Variants in LEKR1 observed in about 807,000 individuals in gnomAD.
LEKR1 encodes leucine, glutamate and lysine rich 1, also known as protein LEKR1.
A neutral mutation model predicts 72.4 loss-of-function variants in LEKR1; 59 were observed. That is an observed-to-expected ratio of 0.82 (90% CI 0.66 to 1.01). The LOEUF is 1.01. LEKR1 is among the 50% of genes least tolerant of loss of function. The pLI is 0.00. For synonymous variants in LEKR1, 257 were observed against 263.2 expected (o/e 0.98, Z 0.23); for missense variants, 728 against 759.2 (o/e 0.96, Z 0.48).
At chr3:157,031,044 C>T (rs550271802) in intron 12 of LEKR1, among the ~76,000 whole-genome samples, 10 of 152,064 alleles carry the variant, frequency 6.6e-5, no homozygotes, top group Non-Finnish European at 1.2e-4. Flanking sequence ...AACCCACACT[C>T]GAGGTGAAAT....
rs1336588431 is a variant in LEKR1 at position 156,944,697 on chromosome 3, A to C, written c.745+1983A>C. Among the ~76,000 whole-genome samples the C allele has an allele frequency of 2.0e-5, 3 of 151,724 alleles. No individual in the cohort carries two copies. In the East Asian group the frequency reaches 5.8e-4, roughly 29 times the overall value. On this transcript the variant is annotated intron_variant, in intron 6 of 12. Transcript: ENST00000356539. ...TGTCTTTCTCTGGCTGGCTTATTTC[A>C]TTTAACATAATGACCCCCAGTTTCA...
Position 157,011,395 on chromosome 3 carries a change from C to A in LEKR1, c.1110-18C>A. 2 of 1,575,598 alleles carry A rather than the reference C, an allele frequency of 1.3e-6. No individual in the cohort carries two copies. Among genetic ancestry groups the A allele is most frequent in the Non-Finnish European group, 1.7e-6 (2 of 1,145,438 alleles). ...TAGGGGTAAGTATTGACTCATTTGTCGGGTTTGTGATTTTCAGGGAATTGA... is the reference window on the plus strand; with the variant it reads ...TAGGGGTAAGTATTGACTCATTTGTAGGGTTTGTGATTTTCAGGGAATTGA... On this transcript the variant is annotated intron_variant, in intron 9 of 12. Coordinates refer to ENST00000356539, the MANE Select transcript of LEKR1 (RefSeq NM_001004316.3).
At chr3:156,883,679 C>G (rs1241661463) in intron 3 of LEKR1, among the ~76,000 whole-genome samples, 4 of 152,178 alleles carry the variant, frequency 2.6e-5, no homozygotes, top group Non-Finnish European at 5.9e-5. Context: ...ACCGATTTTG[C>G]TTGGCTCTCA....
At chr3:156,887,073 G>A (rs1720179239) in intron 3 of LEKR1, among the ~76,000 whole-genome samples, 1 of 152,098 alleles carries the variant, frequency 6.6e-6, no homozygotes, top group Non-Finnish European at 1.5e-5. Context: ...AGTACATGGA[G>A]CTTCCTTAAT....
chr3:156,947,726 A>G (rs1205298667), intron 6 of LEKR1, among the ~76,000 whole-genome samples: 1 of 151,134 alleles, frequency 6.6e-6, no homozygotes, highest in Non-Finnish European at 1.5e-5. Context: ...AGCAACTATT[A>G]CTATATTCTG....
intron 3 of LEKR1, among the ~76,000 whole-genome samples, chr3:156,855,960 AC>A (rs1455620315): frequency 6.6e-6 from 1 of 151,852 alleles, no homozygotes; most frequent in Non-Finnish European, 1.5e-5. Flanking sequence ...GAAGGGGGGA[AC>A]CTTGATTGAT....
At chr3:157,004,807 G>T (rs532814809) in intron 9 of LEKR1, among the ~76,000 whole-genome samples, 1 of 152,032 alleles carries the variant, frequency 6.6e-6, no homozygotes, top group Non-Finnish European at 1.5e-5. Context: ...AAATTTATGA[G>T]ATGTCACCAA....
At chr3:156,912,200 G>T (rs945899325) in intron 3 of LEKR1, among the ~76,000 whole-genome samples, 6 of 152,044 alleles carry the variant, frequency 3.9e-5, no homozygotes, top group African/African-American at 9.7e-5. Flanking sequence ...TAAATAAATT[G>T]TATAATAATG....
At chr3:156,967,730 A>G (rs1432926953) in intron 6 of LEKR1, among the ~76,000 whole-genome samples, 1 of 152,226 alleles carries the variant, frequency 6.6e-6, no homozygotes, top group Non-Finnish European at 1.5e-5. Flanking sequence ...AACTTCCCCA[A>G]TCTAGCAAAG....
At chr3:156,888,398 G>T (rs1417697760) in intron 3 of LEKR1, 9 of 698,920 alleles carry the variant, frequency 1.3e-5, no homozygotes, top group Admixed American at 8.1e-5. Context: ...CCATACATAG[G>T]TCTGTGATTT....
Position 157,043,326 on chromosome 3 carries a change from G to T in LEKR1, c.1669-2014G>T, listed in dbSNP as rs566469115. Among the ~76,000 whole-genome samples the T allele has an allele frequency of 9.5e-4, 144 of 152,224 alleles. 2 individuals are homozygous for T. The highest frequency in any genetic ancestry group is 3.4e-3 in the African/African-American group (143 of 41,528). ...TACACCACTTTAATAACTCCAACAC[G>T]TTGCCAGCTTACTCTACTAGTAGGC... is the stretch of plus-strand genomic sequence containing the variant. On this transcript the variant is annotated intron_variant, in intron 12 of 12. Transcript: ENST00000356539.
chr3:157,034,690 C>A lies in LEKR1; in HGVS notation c.1668+6288C>A, dbSNP rs542241966. ...TGACAGGGTTTGAGAGGATTGACTC[C>A]AATTTTGGCAGAAGTTCTACTGCGG... is the stretch of plus-strand genomic sequence containing the variant. On this transcript the variant is annotated intron_variant, in intron 12 of 12. Transcript: ENST00000356539. Among the ~76,000 whole-genome samples the A allele has an allele frequency of 4.2e-4, 64 of 152,282 alleles. 1 individual carries two copies. The South Asian group carries it at 0.011, about 26-fold the overall frequency.
At chr3:156,978,169 A>T (rs946994094) in intron 6 of LEKR1, among the ~76,000 whole-genome samples, 18 of 152,252 alleles carry the variant, frequency 1.2e-4, no homozygotes, top group Admixed American at 1.1e-3. Context: ...AAAGGTTTAT[A>T]CAAATGTCTG....
intron 12 of LEKR1, among the ~76,000 whole-genome samples, chr3:157,043,814 T>C (rs776535782): frequency 2.0e-5 from 3 of 152,176 alleles, no homozygotes; most frequent in Non-Finnish European, 4.4e-5. Context: ...CTCCAAAAAA[T>C]AAAAATAACT....
At chr3:156,962,992 C>A (rs994892992) in intron 6 of LEKR1, among the ~76,000 whole-genome samples, 1 of 152,150 alleles carries the variant, frequency 6.6e-6, no homozygotes, top group African/African-American at 2.4e-5. Flanking sequence ...GGCTTCTGAT[C>A]TTTGCCTGAT....
intron 3 of LEKR1, among the ~76,000 whole-genome samples, chr3:156,916,556 TG>T (rs1723670614): frequency 6.6e-6 from 1 of 152,178 alleles, no homozygotes; most frequent in African/African-American, 2.4e-5. Context: ...GCTCTTGGCT[TG>T]GCTGTTGTTG....
chr3:156,961,543 T>A (rs1448659954), intron 6 of LEKR1, among the ~76,000 whole-genome samples: 1 of 152,230 alleles, frequency 6.6e-6, no homozygotes, highest in Non-Finnish European at 1.5e-5. Flanking sequence ...CTTTTGTGTG[T>A]GGCGTCTTTC....
chr3:157,033,564 A>C (rs558690895), intron 12 of LEKR1, among the ~76,000 whole-genome samples: 2 of 152,316 alleles, frequency 1.3e-5, no homozygotes, highest in Non-Finnish European at 2.9e-5. Context: ...CAGAAGAAAA[A>C]TTGGAAGCTA....
intron 5 of LEKR1, among the ~76,000 whole-genome samples, chr3:156,929,967 C>T (rs1560088677): frequency 1.3e-5 from 2 of 152,056 alleles, no homozygotes; most frequent in East Asian, 1.9e-4. Flanking sequence ...AATCAGCCCT[C>T]GAGTTATTCA....
Sources: allele counts gnomAD v4.1 joint callset (sites outside exome capture counted in the v4.1 genomes callset), GRCh38; gene constraint gnomAD v4.1.1; transcripts MANE v1.5; gene names NCBI Gene and HGNC (gene_info 2026-07-23, HGNC 2026-07-21).